The following TCIRG1 variants were observed in gnomAD, a reference collection of about 807,000 sequenced individuals.
The protein encoded by TCIRG1 is T cell immune regulator 1, ATPase H+ transporting V0 subunit a3, also known as V-type proton ATPase 116 kDa subunit a 3.
TCIRG1 carries 86 observed loss-of-function variants against 95.5 expected under a neutral mutation model. The ratio of observed to expected loss-of-function variants is 0.90; its 90% confidence interval spans 0.76 to 1.08. The LOEUF (loss-of-function observed/expected upper bound fraction) is 1.08, where lower values mean the gene tolerates loss of function less well. TCIRG1 is among the 50% of genes least tolerant of loss of function. The pLI, the probability that TCIRG1 is intolerant of heterozygous loss-of-function variation, is 0.00. For missense variants in TCIRG1, 1,069 were observed against 1,140.2 expected (o/e 0.94, Z 0.90); for synonymous variants, 499 against 501.3 (o/e 1.00, Z 0.06).
Position 68,049,321 on chromosome 11 carries a change from C to T in TCIRG1, c.1887+27C>T, listed in dbSNP as rs1202880214. The T allele has an allele frequency of 3.1e-6, 5 of 1,589,580 alleles. No individual in the cohort carries two copies. In the Admixed American group the frequency reaches 8.5e-5, roughly 27 times the overall value. ...TGGGCTGCGGCTGGTGGGGGCCGGG[C>T]TCACACGGCCTCATGGGGACCCCGC... On this transcript the variant is annotated intron_variant, in intron 15 of 19. Transcript: ENST00000265686.
chr11:68,045,241 C>A, intron 10 of TCIRG1, 139 bp downstream of exon 10: 1 of 1,099,330 alleles, frequency 9.1e-7, no homozygotes, highest in Non-Finnish European at 1.3e-6. Flanking sequence ...CCATCACTCT[C>A]AAGGGGCTGT....
intron 8 of TCIRG1, 99 bp from the exon 9 acceptor site, chr11:68,044,033 T>A: frequency 7.7e-7 from 1 of 1,303,708 alleles, no homozygotes; most frequent in Non-Finnish European, 1.1e-6. Flanking sequence ...GTGGGTGCCC[T>A]GGCCTGGCCT....
In TCIRG1 at chr11:68,049,667, T is replaced by C. The variant is rs773093690; in HGVS notation, c.1892T>C (p.Val631Ala). 12 of 1,600,430 alleles carry C rather than the reference T, an allele frequency of 7.5e-6. No individual in the cohort carries two copies. The highest frequency in any genetic ancestry group is 1.0e-5 in the Non-Finnish European group (12 of 1,178,982). Residue 631 changes from valine (V) to alanine (A), a missense_variant, in exon 16 of 20, where the codon GTG (valine) becomes GCG (alanine). Val to Ala is a moderately conservative substitution (Grantham distance 64). Transcript: ENST00000265686. ...CTCTCGCCCTCTCCCTGGCAGGAGG[T>C]GGTCCAGGCCACGCTGGTGGTCCTG... ...SNRLLYPRQE[V>A]VQATLVVLAL...
intron 9 of TCIRG1, 56 bp downstream of exon 9, chr11:68,044,400 C>T (rs900547302): frequency 6.3e-6 from 9 of 1,418,286 alleles, no homozygotes; most frequent in African/African-American, 5.7e-5. Flanking sequence ...CAGGCCGGGG[C>T]GTTTCTGCCT....
rs1214876593 is a variant in TCIRG1, at chr11:68,043,569, A to C, written c.631-2A>C. ...CCAGAGTCAGCTGAGCCTGCTCTGCAGGGCGAGCCAGCCACGTGGATGACC... is the reference window on the plus strand; with the variant it reads ...CCAGAGTCAGCTGAGCCTGCTCTGCCGGGCGAGCCAGCCACGTGGATGACC... On this transcript the variant is annotated splice_acceptor_variant, in intron 6 of 19. Coordinates refer to ENST00000265686, the MANE Select transcript of TCIRG1 (RefSeq NM_006019.4). LOFTEE classifies it high-confidence loss of function. The C allele has an allele frequency of 6.2e-7, 1 of 1,607,014 alleles. No individual in the cohort carries two copies. Among genetic ancestry groups the C allele is most frequent in the Non-Finnish European group, 8.5e-7 (1 of 1,177,488 alleles).
intron 10 of TCIRG1, chr11:68,046,893 G>A (rs765454152): frequency 2.8e-5 from 13 of 456,150 alleles, no homozygotes; most frequent in South Asian, 9.3e-5. Context: ...CGTGCTGCCC[G>A]TGGAGAACTT....
intron 13 of TCIRG1, chr11:68,048,287 TTC>T: frequency 2.1e-6 from 1 of 465,408 alleles, no homozygotes; most frequent in Non-Finnish European, 3.9e-6. Context: ...GGAAGTGATT[TTC>T]TTTTTTCTTT....
At chr11:68,046,936 G>C in intron 10 of TCIRG1, 1 of 456,352 alleles carries the variant, frequency 2.2e-6, no homozygotes, top group Non-Finnish European at 4.4e-6. Flanking sequence ...GCATTTTACA[G>C]ATGGGGAAAT....
rs754216929 is a variant in TCIRG1 at position 68,050,449 on chromosome 11, C to T, written c.2237-38C>T. The T allele has an allele frequency of 3.1e-6, 5 of 1,611,548 alleles. No homozygotes were observed. In the South Asian group the frequency reaches 3.3e-5, roughly 11 times the overall value. ...GGTAGGTAGGGGGCTGGCAGGCACC[C>T]ACTTGCCGTTGGCCCCCACTGTCTC... On this transcript the variant is annotated intron_variant, in intron 18 of 19. Transcript: ENST00000265686.
chr11:68,047,741 G>T lies in TCIRG1; in HGVS notation c.1400G>T (p.Arg467Leu). 6.2e-7 allele frequency: 1 copy of T among 1,613,158 alleles called. No homozygotes were observed. Among genetic ancestry groups the T allele is most frequent in the East Asian group, 2.2e-5 (1 of 44,866 alleles). ...TTCATCTACAACGAGTGCTTCAGTC[G>T]CGCCACCAGCATCTTCCCCTCGGGC... ...TGFIYNECFS[R>L]ATSIFPSGWS... Residue 467 changes from arginine (R) to leucine (L), a missense_variant, in exon 12 of 20, where the codon CGC becomes CTC. Arg to Leu is a moderately radical substitution (Grantham distance 102). Transcript: ENST00000265686.
chr11:68,041,628 C>G (rs1855172085), intron 2 of TCIRG1, 125 bp from the exon 3 acceptor site: 7 of 839,384 alleles, frequency 8.3e-6, no homozygotes, highest in South Asian at 7.2e-5. Context: ...TTGTGGCTCC[C>G]AGGGCACTCC....
chr11:68,051,086 T>A (rs572720234), downstream of TCIRG1, among the ~76,000 whole-genome samples: 3 of 152,154 alleles, frequency 2.0e-5, no homozygotes, highest in East Asian at 5.8e-4. Flanking sequence ...TAACTTGGAG[T>A]GAGCAAATGT....
chr11:68,048,386 C>T lies in TCIRG1; in HGVS notation c.1554+414C>T, dbSNP rs866838309. The T allele has an allele frequency of 1.2e-4, 42 of 339,290 alleles. No homozygotes were observed. In the Middle Eastern group the frequency reaches 3.1e-3, roughly 25 times the overall value. 21.0% of individuals were successfully genotyped at this position (339,290 alleles called of 1,614,324 possible). A position where few individuals can be genotyped will look rare whatever the true frequency, so the allele number is the denominator to read the frequency against. ...TTGGCTCACTGCAACCTCCATCTCC[C>T]GGGTTCAAGCGATTCCCCTGCTTCA... On this transcript the variant is annotated intron_variant, in intron 13 of 19. Coordinates refer to ENST00000265686, the MANE Select transcript of TCIRG1 (RefSeq NM_006019.4).
In TCIRG1 at chr11:68,049,862, G is replaced by A. The variant is rs546642017; in HGVS notation, c.2013+74G>A. On this transcript the variant is annotated intron_variant, in intron 16 of 19. Coordinates refer to ENST00000265686, the MANE Select transcript of TCIRG1 (RefSeq NM_006019.4). ...CTGTCCGGTGTGTCCCTGACTCCTC[G>A]CTTCCTGACAGACTCCTGAGTGGCC... 1.6e-4 allele frequency: 244 copies of A among 1,554,686 alleles called. No homozygotes were observed. The African/African-American group carries it at 2.8e-3, about 18-fold the overall frequency.
At chr11:68,051,795 A>C (rs1855805999), downstream of TCIRG1, among the ~76,000 whole-genome samples, 1 of 152,226 alleles carries the variant, frequency 6.6e-6, no homozygotes, top group South Asian at 2.1e-4. Context: ...ATCTGGACCA[A>C]ATCCAGAACC....
At position 68,043,965 on chromosome 11, in the gene TCIRG1, G is replaced by A. The variant is rs935752876; in HGVS notation, c.807+58G>A. The stretch of plus-strand genomic sequence containing the variant: ...AGGAGGTGGGTGCCCCCGGCCTCCC[G>A]GAGGTGGGTGCAGGAGGTGGGTGCC... On this transcript the variant is annotated intron_variant, in intron 8 of 19. Coordinates refer to ENST00000265686, the MANE Select transcript of TCIRG1 (RefSeq NM_006019.4). The A allele has an allele frequency of 9.9e-6, 14 of 1,415,032 alleles. No individual in the cohort carries two copies. The South Asian group carries it at 1.2e-4, about 12-fold the overall frequency. The allele number at this position is 1,415,032 out of a possible 1,614,324, so 87.7% of individuals were successfully genotyped here.
downstream of TCIRG1, among the ~76,000 whole-genome samples, chr11:68,051,809 C>T (rs917382081): frequency 3.9e-5 from 6 of 152,350 alleles, no homozygotes; most frequent in African/African-American, 9.6e-5. Context: ...CAGAACCCAA[C>T]GCCTTACTCC....
At chr11:68,049,572 A>G (rs1172913459) in intron 15 of TCIRG1, 91 bp from the exon 16 acceptor site, 1 of 1,524,548 alleles carries the variant, frequency 6.6e-7, no homozygotes, top group Non-Finnish European at 8.8e-7. Context: ...GAGCGACCGC[A>G]GGCTCTCTGG....
At chr11:68,048,516 A>G (rs1855622889) in intron 13 of TCIRG1, among the ~76,000 whole-genome samples, 1 of 151,876 alleles carries the variant, frequency 6.6e-6, no homozygotes, top group Admixed American at 6.6e-5. Context: ...CTGGTCTCGA[A>G]CTCCTGACCT....
Sources: gnomAD v4.1 joint callset for allele counts (sites outside exome capture counted in the v4.1 genomes callset) on GRCh38, gnomAD v4.1.1 for gene constraint, MANE v1.5 for transcripts, NCBI Gene and HGNC (gene_info 2026-07-23, HGNC 2026-07-21) for gene names.